Variants in CNOT1 observed in about 807,000 individuals in gnomAD.
CNOT1 encodes CCR4-NOT transcription complex subunit 1.
CNOT1 carries 15 observed loss-of-function variants against 273.8 expected under a neutral mutation model. That is an observed-to-expected ratio of 0.05 (90% CI 0.04 to 0.08). The LOEUF is 0.08. CNOT1 is among the 10% of genes least tolerant of loss of function. The pLI, the probability that CNOT1 is intolerant of heterozygous loss-of-function variation, is 1.00. For missense variants in CNOT1, 1,644 were observed against 2,912.2 expected (o/e 0.56, Z 10.02); for synonymous variants, 1,022 against 1,005.5 (o/e 1.02, Z -0.31).
Position 58,574,990 on chromosome 16 carries a change from G to A in CNOT1, c.1827+17C>T. The A allele has an allele frequency of 1.2e-6, 2 of 1,609,216 alleles. No homozygotes were observed. Among genetic ancestry groups the A allele is most frequent in the South Asian group, 1.1e-5 (1 of 89,528 alleles). On this transcript the variant is annotated intron_variant, in intron 15 of 48. Transcript: ENST00000317147. ...CCAAAATTTAAGAGCAAAAATAAAT[G>A]AACAAATCCTGCTTACCCCATGCTC...
chr16:58,554,957 T>G (rs2040584515), intron 21 of CNOT1, among the ~76,000 whole-genome samples: 1 of 56,830 alleles, frequency 1.8e-5, no homozygotes, highest in Admixed American at 1.5e-4. Context: ...AAAAAAAGCT[T>G]CAGGCCAGGC....
chr16:58,618,626 G>A (rs1486885930), intron 1 of CNOT1, among the ~76,000 whole-genome samples: 1 of 150,650 alleles, frequency 6.6e-6, no homozygotes. Flanking sequence ...ACTCCAGCCT[G>A]GGCGACACAG....
At chr16:58,599,060 A>C in intron 2 of CNOT1, 176 bp downstream of exon 2, 1 of 769,710 alleles carries the variant, frequency 1.3e-6, no homozygotes, top group East Asian at 3.2e-5. Flanking sequence ...CAAAAAAAAA[A>C]AAAAAAAAAA....
chr16:58,629,470 G>A (rs2043737472), intron 1 of CNOT1, among the ~76,000 whole-genome samples: 1 of 152,106 alleles, frequency 6.6e-6, no homozygotes, highest in South Asian at 2.1e-4. Flanking sequence ...CTCACCCCGC[G>A]CTCTACCCTC....
intron 16 of CNOT1, among the ~76,000 whole-genome samples, chr16:58,571,395 A>G (rs995961150): frequency 1.3e-5 from 2 of 151,962 alleles, no homozygotes; most frequent in Non-Finnish European, 1.5e-5. Flanking sequence ...ATCTGTACTA[A>G]AAGTACAAAA....
At chr16:58,610,082 G>C (rs1231601194) in intron 1 of CNOT1, among the ~76,000 whole-genome samples, 1 of 152,156 alleles carries the variant, frequency 6.6e-6, no homozygotes, top group Non-Finnish European at 1.5e-5. Context: ...AACTAAGGCA[G>C]CTGTGTGTAA....
rs2040280565 is a variant in CNOT1, at chr16:58,547,062, A to T, written c.3750+124T>A. The T allele has an allele frequency of 3.0e-6, 4 of 1,329,684 alleles. No homozygotes were observed. Among genetic ancestry groups the T allele is most frequent in the Non-Finnish European group, 3.0e-6 (3 of 992,094 alleles). The allele number at this position is 1,329,684 out of a possible 1,614,324, so 82.4% of individuals were successfully genotyped here. A position where few individuals can be genotyped will look rare whatever the true frequency, so the allele number is the denominator to read the frequency against. On this transcript the variant is annotated intron_variant, in intron 27 of 48. Transcript: ENST00000317147. This position sits in a 1 kb window ranked among gnomAD's most constrained non-coding sequence, Gnocchi z 4.0. The stretch of plus-strand genomic sequence containing the variant: ...CTCTCAAATTGGAAATCCAAGTGCC[A>T]TAGAGGAAAACAGACTTAACTAGCT...
At chr16:58,608,982 G>A (rs1268386734) in intron 1 of CNOT1, among the ~76,000 whole-genome samples, 2 of 152,148 alleles carry the variant, frequency 1.3e-5, no homozygotes, top group African/African-American at 4.8e-5. Context: ...GATTCAGGAG[G>A]AAAGTGTGGG....
chr16:58,545,391 G>A lies in CNOT1; in HGVS notation c.4107C>T (p.Gly1369=), dbSNP rs895819878. 14 of 1,614,072 alleles carry A rather than the reference G, an allele frequency of 8.7e-6. No individual in the cohort carries two copies. Among genetic ancestry groups the A allele is most frequent in the Non-Finnish European group, 1.1e-5 (13 of 1,179,930 alleles). ...GATTCAGAGTAATGTGTGGTGCCAA[G>A]CCCGCAAGGGAATAGACATTGATGT... ...YHDINVYSLA[G]LAPHITLNPT... The change falls in exon 30 of 49, where the codon GGC becomes GGT. Residue 1369 remains glycine (G), a synonymous_variant. Coordinates refer to ENST00000317147, the MANE Select transcript of CNOT1 (RefSeq NM_016284.5).
chr16:58,584,854 C>G (rs1355099541), intron 8 of CNOT1, among the ~76,000 whole-genome samples: 2 of 152,104 alleles, frequency 1.3e-5, no homozygotes, highest in African/African-American at 4.8e-5. Flanking sequence ...GTATCACAGT[C>G]TTAAGTGCTA....
At chr16:58,562,344 A>C (rs1173532328) in intron 16 of CNOT1, among the ~76,000 whole-genome samples, 6 of 151,600 alleles carry the variant, frequency 4.0e-5, no homozygotes, top group Non-Finnish European at 5.9e-5. Flanking sequence ...CTCTACAAAA[A>C]ATTTTAAAAA....
At chr16:58,534,764 A>G (rs1040478177) in intron 39 of CNOT1, among the ~76,000 whole-genome samples, 1 of 152,242 alleles carries the variant, frequency 6.6e-6, no homozygotes, top group African/African-American at 2.4e-5. Context: ...TAAATTGCAC[A>G]TATTTTACTT....
At chr16:58,571,948 G>T (rs2041289018) in intron 16 of CNOT1, among the ~76,000 whole-genome samples, 1 of 151,902 alleles carries the variant, frequency 6.6e-6, no homozygotes, top group African/African-American at 2.4e-5. Flanking sequence ...CAGCCTGGGG[G>T]ACAGAGGCAG....
At chr16:58,549,081 GA>G (rs1303499488) in intron 25 of CNOT1, among the ~76,000 whole-genome samples, 1 of 152,142 alleles carries the variant, frequency 6.6e-6, no homozygotes, top group Non-Finnish European at 1.5e-5. Context: ...CTAAGGTCAG[GA>G]GTTCGGGACC....
At chr16:58,626,080 T>C (rs897583138) in intron 1 of CNOT1, among the ~76,000 whole-genome samples, 3 of 152,154 alleles carry the variant, frequency 2.0e-5, no homozygotes, top group Admixed American at 6.6e-5. Context: ...AGTTAATATA[T>C]ATGACTTGAA....
chr16:58,562,494 A>T (rs1486945624), intron 16 of CNOT1, among the ~76,000 whole-genome samples: 1 of 143,078 alleles, frequency 7.0e-6, no homozygotes, highest in Non-Finnish European at 1.5e-5. Flanking sequence ...AAAGAACAAG[A>T]CCCTGTCTCT....
At chr16:58,583,302 C>A in intron 8 of CNOT1, 120 bp from the exon 9 acceptor site, 1 of 1,485,876 alleles carries the variant, frequency 6.7e-7, no homozygotes, top group Non-Finnish European at 8.9e-7. Context: ...ACAGGCAGAG[C>A]AGTAAGTGTT....
At position 58,601,427 on chromosome 16, in the gene CNOT1, G is replaced by A. The variant is rs112620802; in HGVS notation, c.-174-1916C>T. Among the ~76,000 whole-genome samples, 412 of 152,122 alleles carry A rather than the reference G, an allele frequency of 2.7e-3. 2 individuals are homozygous for A. Among genetic ancestry groups the A allele is most frequent in the African/African-American group, 9.3e-3 (388 of 41,510 alleles). Reference sequence around the variant, plus strand: ...ACCCATTTTTTAAGAAATTCACCAAGAACCACTGAAACACAAAAATCTCTG... The same window carrying A: ...ACCCATTTTTTAAGAAATTCACCAAAAACCACTGAAACACAAAAATCTCTG... On this transcript the variant is annotated intron_variant, in intron 1 of 48. Coordinates refer to ENST00000317147, the MANE Select transcript of CNOT1 (RefSeq NM_016284.5).
Position 58,587,854 on chromosome 16 carries a change from C to A in CNOT1, c.235G>T (p.Ala79Ser). Residue 79 changes from alanine to serine, a missense_variant, in exon 4 of 49, where the codon GCG becomes TCG. Around this residue, in one of 13 missense-constraint regions of CNOT1, gnomAD observed 706 missense variants for 1,021.2 expected, o/e 0.69. Transcript: ENST00000317147. Reference sequence around the variant, plus strand: ...AAATTTGGCTTTGTAATCAGCAACGCACACTCCTGAATCAGAAACTGAGTC... The same window carrying A: ...AAATTTGGCTTTGTAATCAGCAACGAACACTCCTGAATCAGAAACTGAGTC... ...HQTQFLIQEC[A>S]LLITKPNFIS... is the part of the protein sequence containing the mutation. The A allele has an allele frequency of 6.2e-7, 1 of 1,613,640 alleles. No homozygotes were observed. The highest frequency in any genetic ancestry group is 8.5e-7 in the Non-Finnish European group (1 of 1,180,018).
Sources: gnomAD v4.1 joint callset for allele counts (sites outside exome capture counted in the v4.1 genomes callset) on GRCh38, gnomAD v4.1.1 for gene constraint, gnomAD v4.1.1 regional missense constraint, Gnocchi (gnomAD v3.1) non-coding constraint, MANE v1.5 for transcripts, NCBI Gene and HGNC (gene_info 2026-07-23, HGNC 2026-07-21) for gene names.